Variants in PCED1B observed in about 807,000 individuals in gnomAD.
PCED1B encodes PC-esterase domain containing 1B.
For missense variants in PCED1B, 573 were observed against 573.9 expected (o/e 1.00, Z 0.02); for synonymous variants, 251 against 246.1 (o/e 1.02, Z -0.19).
intron 2 of PCED1B, among the ~76,000 whole-genome samples, chr12:47,210,928 C>T (rs148450801): frequency 2.7e-4 from 41 of 152,012 alleles, no homozygotes; most frequent in Middle Eastern, 3.4e-3. Context: ...ACTATTTTAC[C>T]GGTAAAATGG....
chr12:47,130,879 T>G (rs1444626047), intron 2 of PCED1B, among the ~76,000 whole-genome samples: 2 of 152,206 alleles, frequency 1.3e-5, no homozygotes, highest in Non-Finnish European at 2.9e-5. Flanking sequence ...AGATACAGAT[T>G]ATTATTCTCA....
rs566531645 is a variant in PCED1B at position 47,199,257 on chromosome 12, G to A, written c.-525-16965G>A. Reference sequence around the variant, plus strand: ...AAAGAAATCAAATGACTAAATAAATGAAGAGGTATTTCATGCTCATGGATA... The same window carrying A: ...AAAGAAATCAAATGACTAAATAAATAAAGAGGTATTTCATGCTCATGGATA... On this transcript the variant is annotated intron_variant, in intron 2 of 3. Coordinates refer to ENST00000546455, the MANE Select transcript of PCED1B (RefSeq NM_138371.3). Among the ~76,000 whole-genome samples the A allele has an allele frequency of 7.2e-5, 11 of 152,266 alleles. No individual in the cohort carries two copies. In the East Asian group the frequency reaches 1.9e-3, roughly 27 times the overall value.
intron 1 of PCED1B, among the ~76,000 whole-genome samples, chr12:47,101,156 A>G (rs1938690359): frequency 6.6e-6 from 1 of 152,172 alleles, no homozygotes; most frequent in South Asian, 2.1e-4. Flanking sequence ...TATATCACCT[A>G]GGATACTTGA....
intron 2 of PCED1B, among the ~76,000 whole-genome samples, chr12:47,181,465 G>A (rs1233406165): frequency 2.6e-5 from 4 of 151,660 alleles, no homozygotes; most frequent in Non-Finnish European, 5.9e-5. Flanking sequence ...CCAGGTTCAA[G>A]TGATTCTCCT....
chr12:47,130,114 T>C (rs1940061324), intron 2 of PCED1B, among the ~76,000 whole-genome samples: 1 of 152,190 alleles, frequency 6.6e-6, no homozygotes. Flanking sequence ...CAAAAGTAGT[T>C]TGAGAGCCAT....
intron 2 of PCED1B, among the ~76,000 whole-genome samples, chr12:47,171,743 A>G (rs1381645764): frequency 6.6e-6 from 1 of 152,134 alleles, no homozygotes; most frequent in African/African-American, 2.4e-5. Flanking sequence ...AGTAATTTTT[A>G]TTAGCTCCTG....
chr12:47,233,282 C>A (rs1308446773), intron 3 of PCED1B, among the ~76,000 whole-genome samples: 1 of 152,152 alleles, frequency 6.6e-6, no homozygotes, highest in Non-Finnish European at 1.5e-5. Flanking sequence ...TCAGTCTGTT[C>A]AGGTGTCCGC....
At chr12:47,172,694 G>C (rs976288250) in intron 2 of PCED1B, among the ~76,000 whole-genome samples, 4 of 152,148 alleles carry the variant, frequency 2.6e-5, no homozygotes, top group African/African-American at 9.7e-5. Flanking sequence ...AATGGAGATA[G>C]CTATGCCTTC....
intron 2 of PCED1B, among the ~76,000 whole-genome samples, chr12:47,213,104 T>A (rs1414251319): frequency 6.6e-6 from 1 of 152,210 alleles, no homozygotes; most frequent in Non-Finnish European, 1.5e-5. Flanking sequence ...ATCTGTAACA[T>A]CCCAAATCCC....
chr12:47,134,043 G>T (rs1592182651), intron 2 of PCED1B, among the ~76,000 whole-genome samples: 1 of 152,296 alleles, frequency 6.6e-6, no homozygotes, highest in East Asian at 1.9e-4. Flanking sequence ...AATTTCTGTT[G>T]TTTATAAGCC....
chr12:47,094,195 T>G (rs573522753), intron 1 of PCED1B, among the ~76,000 whole-genome samples: 65 of 152,286 alleles, frequency 4.3e-4, no homozygotes, highest in Non-Finnish European at 7.4e-4. Flanking sequence ...TCACTTTATC[T>G]CTAATAATGT....
At chr12:47,199,219 C>A (rs1188570373) in intron 2 of PCED1B, among the ~76,000 whole-genome samples, 1 of 152,062 alleles carries the variant, frequency 6.6e-6, no homozygotes, top group African/African-American at 2.4e-5. Context: ...AGGAAAACTA[C>A]AAAACTGTGA....
chr12:47,111,937 C>A (rs1474389962), intron 2 of PCED1B, among the ~76,000 whole-genome samples: 1 of 152,132 alleles, frequency 6.6e-6, no homozygotes, highest in Non-Finnish European at 1.5e-5. Flanking sequence ...GTTCTCTGAT[C>A]GCTCAAAGGC....
chr12:47,126,153 GA>G (rs202184019), intron 2 of PCED1B, among the ~76,000 whole-genome samples: 124 of 152,012 alleles, frequency 8.2e-4, no homozygotes, highest in Non-Finnish European at 1.4e-3. Flanking sequence ...TTTCTGTAAA[GA>G]AAAAAAATTT....
intron 2 of PCED1B, among the ~76,000 whole-genome samples, chr12:47,210,929 G>A (rs997152032): frequency 4.6e-5 from 7 of 152,068 alleles, no homozygotes; most frequent in Admixed American, 3.9e-4. Flanking sequence ...CTATTTTACC[G>A]GTAAAATGGA....
At chr12:47,135,425 G>T in intron 2 of PCED1B, 1 of 261,898 alleles carries the variant, frequency 3.8e-6, no homozygotes. Context: ...AGGAATGGAA[G>T]GCGGAGTGCA....
At chr12:47,168,770 G>A (rs1478701236) in intron 2 of PCED1B, among the ~76,000 whole-genome samples, 1 of 152,050 alleles carries the variant, frequency 6.6e-6, no homozygotes, top group Non-Finnish European at 1.5e-5. Flanking sequence ...AGCTATTAAA[G>A]TGTTGTTACT....
Position 47,127,834 on chromosome 12 carries a change from G to A in PCED1B, c.-526+23639G>A, listed in dbSNP as rs575335593. Among the ~76,000 whole-genome samples, 101 of 152,320 alleles carry A rather than the reference G, an allele frequency of 6.6e-4. No homozygotes were observed. In the Middle Eastern group the frequency reaches 0.014, roughly 21 times the overall value. On this transcript the variant is annotated intron_variant, in intron 2 of 3. Transcript: ENST00000546455. Reference sequence around the variant, plus strand: ...GGGAATTCTGCTGTTGTTGGATGGAGTGTTCCATAAGTTCCAGTCAGGTCA... The same window carrying A: ...GGGAATTCTGCTGTTGTTGGATGGAATGTTCCATAAGTTCCAGTCAGGTCA...
chr12:47,116,520 A>G (rs1939428609), intron 2 of PCED1B, among the ~76,000 whole-genome samples: 1 of 152,216 alleles, frequency 6.6e-6, no homozygotes, highest in Non-Finnish European at 1.5e-5. Context: ...TTCAAAAAAC[A>G]CCATCAGATA....
Sources: allele counts gnomAD v4.1 joint callset (sites outside exome capture counted in the v4.1 genomes callset), GRCh38; gene constraint gnomAD v4.1.1; transcripts MANE v1.5; gene names NCBI Gene and HGNC (gene_info 2026-07-23, HGNC 2026-07-21).